The following ZFPM2 variants were observed in gnomAD, a reference collection of about 807,000 sequenced individuals.
The protein encoded by ZFPM2 is zinc finger protein ZFPM2.
In ZFPM2, 20 loss-of-function variants were observed where a neutral mutation model predicts 98.6. The ratio of observed to expected loss-of-function variants is 0.20; its 90% CI spans 0.14 to 0.29. The LOEUF (loss-of-function observed/expected upper bound fraction) is 0.29, where lower values mean the gene tolerates loss of function less well. Among genes scored for constraint, ZFPM2 ranks in the 10% least tolerant of loss-of-function variants. ZFPM2 has a pLI of 1.00. For missense variants in ZFPM2, 1,310 were observed against 1,388.6 expected, an observed-to-expected ratio of 0.94 and a Z score of 0.90; for synonymous variants, 518 against 502.7, an observed-to-expected ratio of 1.03 and a Z score of -0.41.
chr8:105,486,624 C>T (rs1215416922), intron 3 of ZFPM2, among the ~76,000 whole-genome samples: 1 of 152,168 alleles, frequency 6.6e-6, no homozygotes, highest in Non-Finnish European at 1.5e-5. Context: ...AAGAACATCA[C>T]TGAAATTTAC....
intron 1 of ZFPM2, among the ~76,000 whole-genome samples, chr8:105,414,346 A>G (rs538393538): frequency 1.1e-4 from 16 of 151,984 alleles, no homozygotes; most frequent in Non-Finnish European, 1.9e-4. Flanking sequence ...TTCATCTTAG[A>G]TGCTTCTTAT....
intron 1 of ZFPM2, among the ~76,000 whole-genome samples, chr8:105,370,218 A>G (rs1174303924): frequency 2.6e-5 from 4 of 152,206 alleles, no homozygotes; most frequent in Admixed American, 1.3e-4. Context: ...CCTGTTTCAC[A>G]TGGTTATGCA....
intron 4 of ZFPM2, among the ~76,000 whole-genome samples, chr8:105,598,682 C>CTACATT (rs1563736952): frequency 9.9e-5 from 15 of 152,134 alleles, no homozygotes; most frequent in African/African-American, 3.4e-4. Context: ...CTACATTTGC[C>CTACATT]TCCTTGTTCC....
chr8:105,363,147 A>AC, intron 1 of ZFPM2, among the ~76,000 whole-genome samples: 1 of 152,198 alleles, frequency 6.6e-6, no homozygotes, highest in East Asian at 1.9e-4. Flanking sequence ...GTTTCATAAG[A>AC]TAATTCTTAG....
chr8:105,625,999 AGGG>A (rs1289058506), intron 4 of ZFPM2, among the ~76,000 whole-genome samples: 1 of 151,540 alleles, frequency 6.6e-6, no homozygotes, highest in Non-Finnish European at 1.5e-5. Flanking sequence ...AGAAAGAAAG[AGGG>A]AGGGAGGGAA....
chr8:105,337,725 T>G (rs568955137), intron 1 of ZFPM2, among the ~76,000 whole-genome samples: 2 of 148,670 alleles, frequency 1.3e-5, no homozygotes, highest in East Asian at 4.0e-4. Context: ...TGGTCATAGT[T>G]CATAATTCTT....
intron 5 of ZFPM2, among the ~76,000 whole-genome samples, chr8:105,732,959 A>G (rs1166507368): frequency 8.6e-5 from 13 of 151,912 alleles, no homozygotes; most frequent in Admixed American, 2.6e-4. Flanking sequence ...GCAGCCTTAT[A>G]AAACAAAGCA....
intron 1 of ZFPM2, among the ~76,000 whole-genome samples, chr8:105,326,238 G>A (rs567480139): frequency 4.0e-5 from 6 of 151,732 alleles, no homozygotes; most frequent in African/African-American, 1.4e-4. Context: ...CCAAAACCAG[G>A]AAACAAAATA....
intron 4 of ZFPM2, among the ~76,000 whole-genome samples, chr8:105,565,835 T>G (rs1223183674): frequency 6.6e-6 from 1 of 152,180 alleles, no homozygotes. Flanking sequence ...ATTTGACTGT[T>G]TGCCAAGGGC....
At chr8:105,580,768 A>G (rs918195911) in intron 4 of ZFPM2, among the ~76,000 whole-genome samples, 1 of 151,434 alleles carries the variant, frequency 6.6e-6, no homozygotes, top group Non-Finnish European at 1.5e-5. Flanking sequence ...AGCGTGACTA[A>G]GAATAGTAAC....
intron 6 of ZFPM2, among the ~76,000 whole-genome samples, chr8:105,795,245 T>TA (rs1563569130): frequency 3.0e-4 from 40 of 134,508 alleles, no homozygotes; most frequent in Admixed American, 2.9e-3. Flanking sequence ...TCATTTTATC[T>TA]TTGTGTGTGT....
intron 1 of ZFPM2, among the ~76,000 whole-genome samples, chr8:105,372,491 A>G (rs1178513078): frequency 4.6e-5 from 7 of 152,214 alleles, no homozygotes; most frequent in African/African-American, 1.7e-4. Flanking sequence ...GTAGAAAATA[A>G]AAATGTTTCT....
At chr8:105,586,579 T>C (rs62527235) in intron 4 of ZFPM2, among the ~76,000 whole-genome samples, 27,280 of 151,640 alleles carry the variant, frequency 0.18, 2,593 homozygotes, top group Middle Eastern at 0.24. Context: ...TGTGCCACCA[T>C]GCCCAGCTAA....
At position 105,801,208 on chromosome 8, in the gene ZFPM2, A is replaced by G. The variant is rs1563572958; in HGVS notation, c.1126A>G (p.Arg376Gly). The G allele has an allele frequency of 6.2e-7, 1 of 1,613,880 alleles. No homozygotes were observed. Reference protein sequence around the residue: ...NHCHFGFQTQRELLQHQELHV... With the variant: ...NHCHFGFQTQGELLQHQELHV... ...CTGCCATTTCGGCTTCCAGACTCAG[A>G]GGGAGTTATTGCAGCACCAGGAGCT... is the stretch of plus-strand genomic sequence containing the variant. The change falls in exon 8 of 8, where the codon AGG becomes GGG. Residue 376 changes from arginine to glycine, a missense_variant. Transcript: ENST00000407775.
At chr8:105,796,176 T>C (rs1355931230) in intron 6 of ZFPM2, among the ~76,000 whole-genome samples, 3 of 150,808 alleles carry the variant, frequency 2.0e-5, no homozygotes, top group African/African-American at 7.4e-5. Flanking sequence ...TCCTGTATCT[T>C]TACTTTGATT....
chr8:105,461,021 T>C (rs1812695500), intron 3 of ZFPM2, among the ~76,000 whole-genome samples: 1 of 152,076 alleles, frequency 6.6e-6, no homozygotes, highest in African/African-American at 2.4e-5. Flanking sequence ...GCTTGAATTA[T>C]TCATTTATAA....
chr8:105,754,931 C>A (rs1353262631), intron 5 of ZFPM2, among the ~76,000 whole-genome samples: 1 of 148,988 alleles, frequency 6.7e-6, no homozygotes, highest in Non-Finnish European at 1.5e-5. Flanking sequence ...TTGTGACGGT[C>A]TGGAGAAATT....
intron 4 of ZFPM2, among the ~76,000 whole-genome samples, chr8:105,579,669 T>C (rs1404599616): frequency 6.6e-6 from 1 of 151,944 alleles, no homozygotes; most frequent in East Asian, 1.9e-4. Context: ...TACTGATGAG[T>C]CTGTTGGCAG....
intron 4 of ZFPM2, among the ~76,000 whole-genome samples, chr8:105,587,217 C>T (rs1815740458): frequency 7.0e-6 from 1 of 143,314 alleles, no homozygotes; most frequent in South Asian, 2.2e-4. Context: ...GCGGAGCTTG[C>T]AGTGAGCAGA....
Sources: allele counts gnomAD v4.1 joint callset (sites outside exome capture counted in the v4.1 genomes callset), GRCh38; gene constraint gnomAD v4.1.1; transcripts MANE v1.5; gene names NCBI Gene and HGNC (gene_info 2026-07-23, HGNC 2026-07-21).